The following RAB11FIP3 variants were observed in gnomAD, a reference collection of about 807,000 sequenced individuals.
RAB11FIP3 encodes the protein rab11 family-interacting protein 3.
Under a neutral mutation model 77.8 loss-of-function variants are expected in RAB11FIP3, and 17 were observed. That is an observed-to-expected ratio of 0.22 (90% CI 0.15 to 0.33). The LOEUF (loss-of-function observed/expected upper bound fraction) is 0.33, where lower values mean the gene tolerates loss of function less well. Among genes scored for constraint, RAB11FIP3 ranks in the 10% least tolerant of loss-of-function variants. RAB11FIP3 has a pLI of 1.00. For synonymous variants in RAB11FIP3, 437 were observed against 448.2 expected (o/e 0.98, Z 0.31); for missense variants, 1,005 against 1,011.2 (o/e 0.99, Z 0.08).
chr16:510,935 G>T, intron 9 of RAB11FIP3, 135 bp downstream of exon 9: 1 of 1,176,014 alleles, frequency 8.5e-7, no homozygotes, highest in Non-Finnish European at 1.2e-6. Context: ...CCCAGAACCT[G>T]CAGGCCAGGT....
intron 1 of RAB11FIP3, among the ~76,000 whole-genome samples, chr16:438,936 C>T (rs1049243817): frequency 6.6e-6 from 1 of 152,194 alleles, no homozygotes; most frequent in Non-Finnish European, 1.5e-5. Flanking sequence ...GATCCGCCCG[C>T]CTTGGCACCC....
At chr16:496,274 G>A (rs1354161485) in intron 5 of RAB11FIP3, among the ~76,000 whole-genome samples, 1 of 152,202 alleles carries the variant, frequency 6.6e-6, no homozygotes, top group African/African-American at 2.4e-5. Flanking sequence ...TTTGGCCCAT[G>A]TGCCACTGCA....
chr16:427,747 G>A (rs8058096), intron 1 of RAB11FIP3, among the ~76,000 whole-genome samples: 8,159 of 152,216 alleles, frequency 0.054, 741 homozygotes, highest in African/African-American at 0.18. Context: ...AAGCCAAGAG[G>A]TCTGTAAGAA....
chr16:425,838 G>C lies in RAB11FIP3; in HGVS notation c.-169G>C, dbSNP rs1447035749. 4 of 298,522 alleles carry C rather than the reference G, an allele frequency of 1.3e-5. No homozygotes were observed. The highest frequency in any genetic ancestry group is 4.5e-5 in the African/African-American group (2 of 44,654). 18.5% of individuals were successfully genotyped at this position (298,522 alleles called of 1,614,324 possible). The stretch of plus-strand genomic sequence containing the variant: ...GCCGGGCCGAGGGCAGCTGAGGCGC[G>C]GTGCGAAGATGGGCGAGGACAGAGC... On this transcript the variant is annotated 5_prime_UTR_variant, in exon 1 of 14. Transcript: ENST00000262305.
In RAB11FIP3 at chr16:522,315, G is replaced by C. The variant is rs1269930895; in HGVS notation, c.*1476G>C. ...CTGGCACCCTGCCTCTCTGTGCCCA[G>C]GCCCAGCCCTGGTGACATGGCACCA... On this transcript the variant is annotated 3_prime_UTR_variant, in exon 14 of 14. Coordinates refer to ENST00000262305, the MANE Select transcript of RAB11FIP3 (RefSeq NM_014700.4). The C allele has an allele frequency of 4.5e-4, 67 of 150,236 alleles. 1 individual carries two copies. The highest frequency in any genetic ancestry group is 4.4e-3 in the Admixed American group (67 of 15,130). 9.3% of individuals were successfully genotyped at this position (150,236 alleles called of 1,614,324 possible). A position where few individuals can be genotyped will look rare whatever the true frequency, so the allele number is the denominator to read the frequency against.
intron 1 of RAB11FIP3, among the ~76,000 whole-genome samples, chr16:458,756 T>C (rs2055552866): frequency 6.6e-6 from 1 of 152,266 alleles, no homozygotes; most frequent in South Asian, 2.1e-4. Context: ...AGAGGGGCTT[T>C]CTTCAGGAGT....
chr16:451,929 G>A (rs1247419995), intron 1 of RAB11FIP3, among the ~76,000 whole-genome samples: 1 of 151,910 alleles, frequency 6.6e-6, no homozygotes, highest in Non-Finnish European at 1.5e-5. Context: ...GCGGTGGATT[G>A]CCTGAGGTCA....
At chr16:475,068 C>A in intron 3 of RAB11FIP3, 1 of 1,551,540 alleles carries the variant, frequency 6.4e-7, no homozygotes, top group East Asian at 2.4e-5. Context: ...CCAGGCCCAG[C>A]CTGTGAGGCC....
At chr16:464,347 G>A (rs868710709) in intron 2 of RAB11FIP3, among the ~76,000 whole-genome samples, 2 of 152,162 alleles carry the variant, frequency 1.3e-5, no homozygotes, top group Admixed American at 6.5e-5. Context: ...TTTATTTAAC[G>A]TTTGTCCTTC....
intron 5 of RAB11FIP3, among the ~76,000 whole-genome samples, chr16:494,917 CGAGG>C (rs2030974516): frequency 6.9e-6 from 1 of 145,704 alleles, no homozygotes. Flanking sequence ...CCGGGGAGGT[CGAGG>C]CTGCTGAGGT....
chr16:480,286 C>CAAAAAAAAGAAAAAAA (rs752259728), intron 3 of RAB11FIP3, among the ~76,000 whole-genome samples: 5,996 of 79,758 alleles, frequency 0.075, 354 homozygotes, highest in African/African-American at 0.083. Flanking sequence ...ACTCCTTCTC[C>CAAAAAAAAGAAAAAAA]AAAAAAAAAA....
At chr16:498,867 C>T (rs78842867) in intron 6 of RAB11FIP3, among the ~76,000 whole-genome samples, 7 of 149,308 alleles carry the variant, frequency 4.7e-5, no homozygotes, top group African/African-American at 1.8e-4. Flanking sequence ...CAGAGGTGAA[C>T]GTCATCATGC....
At chr16:470,161 T>G (rs1205849146) in intron 2 of RAB11FIP3, among the ~76,000 whole-genome samples, 1 of 152,054 alleles carries the variant, frequency 6.6e-6, no homozygotes, top group Non-Finnish European at 1.5e-5. Flanking sequence ...TATGCCCAGC[T>G]AATTTTTACT....
At chr16:518,128 G>T (rs1377619644) in intron 9 of RAB11FIP3, among the ~76,000 whole-genome samples, 1 of 152,220 alleles carries the variant, frequency 6.6e-6, no homozygotes, top group East Asian at 1.9e-4. Flanking sequence ...CACTAGGCTG[G>T]AGCGCAGTGG....
rs1438652361 is a variant in RAB11FIP3 at position 461,993 on chromosome 16, A to G, written c.808+496A>G. On this transcript the variant is annotated intron_variant, in intron 2 of 13. Coordinates refer to ENST00000262305, the MANE Select transcript of RAB11FIP3 (RefSeq NM_014700.4). This position sits in a 1 kb window ranked among gnomAD's most constrained non-coding sequence, Gnocchi z 4.5. Reference sequence around the variant, plus strand: ...GTACCACCATCGTTCCCTAGAGCTCAGTGTTTGTTTCCAGTCTTCCTTTGA... The same window carrying G: ...GTACCACCATCGTTCCCTAGAGCTCGGTGTTTGTTTCCAGTCTTCCTTTGA... 1.3e-5 allele frequency among the ~76,000 whole-genome samples: 2 copies of G among 152,152 alleles called. No individual in the cohort carries two copies. The highest frequency in any genetic ancestry group is 4.8e-5 in the African/African-American group (2 of 41,422).
At chr16:515,688 C>T (rs928789377) in intron 9 of RAB11FIP3, among the ~76,000 whole-genome samples, 3 of 149,138 alleles carry the variant, frequency 2.0e-5, no homozygotes, top group African/African-American at 5.0e-5. Flanking sequence ...GCCACACGGG[C>T]GACACGCACC....
chr16:436,030 G>T (rs1022158276), intron 1 of RAB11FIP3, among the ~76,000 whole-genome samples: 1 of 152,098 alleles, frequency 6.6e-6, no homozygotes, highest in Non-Finnish European at 1.5e-5. Flanking sequence ...GGGATCATTG[G>T]CCAGGCACGG....
chr16:426,793 G>C lies in RAB11FIP3; in HGVS notation c.714+73G>C. On this transcript the variant is annotated intron_variant, in intron 1 of 13. Coordinates refer to ENST00000262305, the MANE Select transcript of RAB11FIP3 (RefSeq NM_014700.4). This position sits in a 1 kb window ranked among gnomAD's most constrained non-coding sequence, Gnocchi z 5.0. ...TGGCCGGCGGGGTTGATGTGGGACC[G>C]GTCGACGCTGCCCCTGGAGTCGGGA... is the stretch of plus-strand genomic sequence containing the variant. 8.0e-7 allele frequency: 1 copy of C among 1,256,058 alleles called. No homozygotes were observed. Among genetic ancestry groups the C allele is most frequent in the South Asian group, 1.7e-5 (1 of 58,568 alleles). The allele number at this position is 1,256,058 out of a possible 1,614,324, so 77.8% of individuals were successfully genotyped here. A position where few individuals can be genotyped will look rare whatever the true frequency, so the allele number is the denominator to read the frequency against.
chr16:471,834 T>C lies in RAB11FIP3; in HGVS notation c.903+445T>C, dbSNP rs1043402798. ...TGTCATGGTGACGTGGCGTCTCCTG[T>C]GTCTCCTGTCACTGTGGGTCCCTTG... On this transcript the variant is annotated intron_variant, in intron 3 of 13. Transcript: ENST00000262305. This position sits in a 1 kb window ranked among gnomAD's most constrained non-coding sequence, Gnocchi z 4.4. Among the ~76,000 whole-genome samples, 2 of 152,194 alleles carry C rather than the reference T, an allele frequency of 1.3e-5. No homozygotes were observed. The highest frequency in any genetic ancestry group is 2.9e-5 in the Non-Finnish European group (2 of 68,024).
Sources: allele counts gnomAD v4.1 joint callset (sites outside exome capture counted in the v4.1 genomes callset), GRCh38; gene constraint gnomAD v4.1.1; non-coding constraint Gnocchi (gnomAD v3.1); transcripts MANE v1.5; gene names NCBI Gene and HGNC (gene_info 2026-07-23, HGNC 2026-07-21).